Variants in MTUS2 observed in about 807,000 individuals in gnomAD.
MTUS2 encodes microtubule-associated tumor suppressor candidate 2.
A neutral mutation model predicts 114.1 loss-of-function variants in MTUS2; 40 were observed. The ratio of observed to expected loss-of-function variants is 0.35; its 90% CI spans 0.27 to 0.46. The LOEUF (loss-of-function observed/expected upper bound fraction) is 0.46, where lower values mean the gene tolerates loss of function less well. MTUS2 is among the 20% of genes least tolerant of loss of function. MTUS2 has a pLI of 1.00. For missense variants in MTUS2, 1,679 were observed against 1,705.4 expected (o/e 0.98, Z 0.27); for synonymous variants, 688 against 672.0 (o/e 1.02, Z -0.37).
rs572538441 is a variant in MTUS2, at chr13:29,390,456, C to G, written c.3117+30983C>G. On this transcript the variant is annotated intron_variant, in intron 8 of 15. Transcript: ENST00000612955. The stretch of plus-strand genomic sequence containing the variant: ...ATCACTTGAGGTCAGGAGTTCGAGA[C>G]CAGCCTGGCCAACATGGTAAAACCC... 6.9e-4 allele frequency among the ~76,000 whole-genome samples: 105 copies of G among 151,748 alleles called. 2 individuals are homozygous for G. Among genetic ancestry groups the G allele is most frequent in the African/African-American group, 2.3e-3 (96 of 41,420 alleles).
chr13:29,305,384 GGCTGCTGGCTAGACTAATAAA>G (rs1899400495), intron 6 of MTUS2, among the ~76,000 whole-genome samples: 1 of 151,902 alleles, frequency 6.6e-6, no homozygotes, highest in East Asian at 1.9e-4. Context: ...TAAAGAGACA[GGCTGCTGGCTAGACTAATAAA>G]GAAGAAAAGA....
Position 29,505,142 on chromosome 13 carries a change from T to A in MTUS2, c.*1936T>A, listed in dbSNP as rs3011620. 0.96 allele frequency: 223,591 copies of A among 232,146 alleles called. 107,838 individuals are homozygous for A. Among genetic ancestry groups the A allele is most frequent in the Middle Eastern group, 0.99 (763 of 772 alleles). 14.4% of individuals were successfully genotyped at this position (232,146 alleles called of 1,614,324 possible). ...GTTGGGCATTCCATTAGAGTAGATCTTGCCACATTGACTAAATACACAAGT... is the reference window on the plus strand; with the variant it reads ...GTTGGGCATTCCATTAGAGTAGATCATGCCACATTGACTAAATACACAAGT... On this transcript the variant is annotated 3_prime_UTR_variant, in exon 16 of 16. Coordinates refer to ENST00000612955, the MANE Select transcript of MTUS2 (RefSeq NM_001033602.4).
chr13:29,163,625 T>G (rs1438942302), intron 5 of MTUS2, among the ~76,000 whole-genome samples: 3 of 152,138 alleles, frequency 2.0e-5, no homozygotes, highest in Non-Finnish European at 4.4e-5. Context: ...TGGTTGTTGG[T>G]CAGATTCAGT....
At chr13:29,142,132 G>C (rs1892250223) in intron 5 of MTUS2, among the ~76,000 whole-genome samples, 1 of 151,722 alleles carries the variant, frequency 6.6e-6, no homozygotes, top group South Asian at 2.1e-4. Context: ...AGTGCTATGG[G>C]GATCTAATTT....
chr13:29,270,691 G>A (rs1299468884), intron 5 of MTUS2, among the ~76,000 whole-genome samples: 1 of 152,228 alleles, frequency 6.6e-6, no homozygotes, highest in African/African-American at 2.4e-5. Flanking sequence ...CCCTGTGTAT[G>A]GAAGCTCGTG....
Position 28,879,403 on chromosome 13 carries a change from C to A in MTUS2, c.-243+39553C>A, listed in dbSNP as rs1878151931. 2.0e-5 allele frequency among the ~76,000 whole-genome samples: 3 copies of A among 152,238 alleles called. No homozygotes were observed. In the South Asian group the frequency reaches 6.2e-4, roughly 32 times the overall value. On this transcript the variant is annotated intron_variant, in intron 2 of 15. Transcript: ENST00000612955. ...CAGTGGGAAGCAATTTAATTACTAC[C>A]CTCTTTTAATGAACCTGAACGTAAG...
At chr13:29,198,628 G>T (rs1894803662) in intron 5 of MTUS2, among the ~76,000 whole-genome samples, 1 of 151,978 alleles carries the variant, frequency 6.6e-6, no homozygotes, top group Non-Finnish European at 1.5e-5. Context: ...AGCTTGGTGG[G>T]GATAGCATTG....
intron 8 of MTUS2, among the ~76,000 whole-genome samples, chr13:29,360,434 G>C (rs1019489402): frequency 4.6e-5 from 7 of 152,122 alleles, no homozygotes; most frequent in Middle Eastern, 3.2e-3. Flanking sequence ...AGCCTGAGCT[G>C]CTCTTTTTTG....
At chr13:29,226,474 C>G (rs1436436319) in intron 5 of MTUS2, among the ~76,000 whole-genome samples, 1 of 152,252 alleles carries the variant, frequency 6.6e-6, no homozygotes, top group African/African-American at 2.4e-5. Flanking sequence ...CACCTTCCCT[C>G]AGTCAGAGGC....
intron 7 of MTUS2, among the ~76,000 whole-genome samples, chr13:29,357,527 A>G (rs1409668729): frequency 1.9e-4 from 29 of 152,222 alleles, no homozygotes; most frequent in Admixed American, 1.9e-3. Context: ...GGAAAAAAAT[A>G]TCTATCTTTG....
In MTUS2 at chr13:29,468,991, T is replaced by C. The variant is rs552242100; in HGVS notation, c.3185-11159T>C. On this transcript the variant is annotated intron_variant, in intron 9 of 15. Coordinates refer to ENST00000612955, the MANE Select transcript of MTUS2 (RefSeq NM_001033602.4). ...TTTCCCTGTTAGCTTTAACAGACAA[T>C]AGTGGATGTAATAGATACCCCTGCA... 3.9e-5 allele frequency among the ~76,000 whole-genome samples: 6 copies of C among 152,266 alleles called. No homozygotes were observed. In the South Asian group the frequency reaches 1.2e-3, roughly 32 times the overall value.
intron 6 of MTUS2, among the ~76,000 whole-genome samples, chr13:29,312,415 A>G (rs968444953): frequency 6.6e-6 from 1 of 152,222 alleles, no homozygotes; most frequent in Non-Finnish European, 1.5e-5. Flanking sequence ...AAATTTTTAA[A>G]AGGATGAGGC....
intron 5 of MTUS2, among the ~76,000 whole-genome samples, chr13:29,206,751 T>C (rs968593043): frequency 6.6e-6 from 1 of 152,232 alleles, no homozygotes; most frequent in African/African-American, 2.4e-5. Context: ...TTCTCTATTC[T>C]GTTCCATTGG....
chr13:29,409,458 A>G lies in MTUS2; in HGVS notation c.3118-30525A>G, dbSNP rs1004924811. ...CCCCATTTGCTTTAATGTCATTAAT[A>G]TAATTCATTTGTTTTAAAAAAACAA... On this transcript the variant is annotated intron_variant, in intron 8 of 15. Transcript: ENST00000612955. Among the ~76,000 whole-genome samples the G allele has an allele frequency of 1.3e-5, 2 of 152,196 alleles. 1 individual carries two copies. The highest frequency in any genetic ancestry group is 1.3e-4 in the Admixed American group (2 of 15,282).
rs1873041455 is a variant in MTUS2 at position 29,389,525 on chromosome 13, A to ATGTATACACGTGTGTGTG, written c.3117+30053_3117+30054insGTATACACGTGTGTGTGT. The stretch of plus-strand genomic sequence containing the variant: ...TGTATACACGTGTGTGTATGTGTAT[A>ATGTATACACGTGTGTGTG]TATGTATACACGTGTGTATATGTAT... On this transcript the variant is annotated intron_variant, in intron 8 of 15. Coordinates refer to ENST00000612955, the MANE Select transcript of MTUS2 (RefSeq NM_001033602.4). Among the ~76,000 whole-genome samples, 7 of 29,890 alleles carry ATGTATACACGTGTGTGTG rather than the reference A, an allele frequency of 2.3e-4. 2 individuals are homozygous for ATGTATACACGTGTGTGTG. The highest frequency in any genetic ancestry group is 3.8e-4 in the African/African-American group (7 of 18,638). The allele number at this position is 29,890 out of a possible 152,430, so 19.6% of individuals were successfully genotyped here.
rs56898077 is a variant in MTUS2, at chr13:29,098,447, A to AAC, written c.2447-2306_2447-2305dup. Among the ~76,000 whole-genome samples the AAC allele has an allele frequency of 2.9e-3, 439 of 151,462 alleles. 1 individual carries two copies. The highest frequency in any genetic ancestry group is 0.017 in the Middle Eastern group (5 of 294). On this transcript the variant is annotated intron_variant, in intron 4 of 15. Coordinates refer to ENST00000612955, the MANE Select transcript of MTUS2 (RefSeq NM_001033602.4). Reference sequence around the variant, plus strand: ...AAGGTATACTTTTGCAAGTCATCTAAACACACACACACACACACACATGTG... The same window carrying AAC: ...AAGGTATACTTTTGCAAGTCATCTAAACACACACACACACACACACACATGTG...
intron 2 of MTUS2, among the ~76,000 whole-genome samples, chr13:29,023,251 G>T (rs1192273703): frequency 6.6e-6 from 1 of 152,250 alleles, no homozygotes; most frequent in Non-Finnish European, 1.5e-5. Context: ...AGCCTGCAGA[G>T]CAGAGGGTGA....
intron 8 of MTUS2, among the ~76,000 whole-genome samples, chr13:29,421,031 A>G (rs1042451444): frequency 3.3e-5 from 5 of 152,228 alleles, no homozygotes; most frequent in South Asian, 2.1e-4. Flanking sequence ...TCTCAGAGCA[A>G]AAACACATAT....
intron 5 of MTUS2, among the ~76,000 whole-genome samples, chr13:29,223,419 C>G (rs1463835009): frequency 6.6e-6 from 1 of 152,110 alleles, no homozygotes; most frequent in African/African-American, 2.4e-5. Context: ...TGTGGGTCTC[C>G]CCTCTGCTGA....
Sources: gnomAD v4.1 joint callset for allele counts (sites outside exome capture counted in the v4.1 genomes callset) on GRCh38, gnomAD v4.1.1 for gene constraint, MANE v1.5 for transcripts, NCBI Gene and HGNC (gene_info 2026-07-23, HGNC 2026-07-21) for gene names.